The following CACNA2D3 variants were observed in gnomAD, a reference collection of about 807,000 sequenced individuals.
CACNA2D3 encodes the protein calcium voltage-gated channel auxiliary subunit alpha2delta 3.
CACNA2D3 carries 60 observed loss-of-function variants against 160.6 expected under a neutral mutation model. That is an observed-to-expected ratio of 0.37 (90% confidence interval 0.30 to 0.46). The LOEUF (loss-of-function observed/expected upper bound fraction) is 0.46. Among genes scored for constraint, CACNA2D3 ranks in the 20% least tolerant of loss-of-function variants. The probability of loss-of-function intolerance (pLI) is 1.00; values close to 1 mark genes in which losing one functional copy is unlikely to be tolerated. For missense variants in CACNA2D3, 1,205 were observed against 1,365.0 expected (o/e 0.88, Z 1.85); for synonymous variants, 558 against 492.9 (o/e 1.13, Z -1.75).
At chr3:54,627,465 G>A (rs151248240) in intron 9 of CACNA2D3, among the ~76,000 whole-genome samples, 1 of 152,156 alleles carries the variant, frequency 6.6e-6, no homozygotes, top group Non-Finnish European at 1.5e-5. Context: ...GATCAGGAGC[G>A]GGAGAGTAGG....
chr3:54,924,731 C>T (rs747379943), intron 27 of CACNA2D3: 173 of 1,613,982 alleles, frequency 1.1e-4, no homozygotes, highest in African/African-American at 1.6e-4. Flanking sequence ...ATTCCAGGAG[C>T]GCTCGATCAA....
At chr3:54,613,296 G>A (rs957224239) in intron 9 of CACNA2D3, among the ~76,000 whole-genome samples, 1 of 152,194 alleles carries the variant, frequency 6.6e-6, no homozygotes, top group Admixed American at 6.5e-5. Context: ...TCCTGTATTG[G>A]TGTGTCATAA....
intron 3 of CACNA2D3, among the ~76,000 whole-genome samples, chr3:54,336,620 C>T (rs575902444): frequency 8.5e-5 from 13 of 152,106 alleles, no homozygotes; most frequent in East Asian, 1.9e-4. Flanking sequence ...ATGTTATGTA[C>T]GTTGATTCAA....
intron 13 of CACNA2D3, among the ~76,000 whole-genome samples, chr3:54,806,002 A>G (rs1258055130): frequency 4.6e-5 from 7 of 152,114 alleles, no homozygotes; most frequent in Non-Finnish European, 8.8e-5. Context: ...AAATTCAACA[A>G]CCCTTCATGC....
At chr3:54,628,220 C>A (rs372184232) in intron 10 of CACNA2D3, among the ~76,000 whole-genome samples, 1 of 151,222 alleles carries the variant, frequency 6.6e-6, no homozygotes, top group Non-Finnish European at 1.5e-5. Flanking sequence ...AGCGAGACTC[C>A]GTCTCAAAAA....
chr3:55,060,780 A>C (rs1234953938), intron 35 of CACNA2D3, among the ~76,000 whole-genome samples: 1 of 152,184 alleles, frequency 6.6e-6, no homozygotes, highest in Non-Finnish European at 1.5e-5. Context: ...AAGAAAAAAA[A>C]AACTTTGAAA....
chr3:54,369,059 C>G (rs1028585442), intron 3 of CACNA2D3, among the ~76,000 whole-genome samples: 1 of 151,860 alleles, frequency 6.6e-6, no homozygotes, highest in Non-Finnish European at 1.5e-5. Context: ...TGCTTACAAT[C>G]CCCCCAAATA....
chr3:54,245,661 C>T (rs1702058121), intron 2 of CACNA2D3, among the ~76,000 whole-genome samples: 1 of 152,182 alleles, frequency 6.6e-6, no homozygotes, highest in Admixed American at 6.5e-5. Context: ...GCTTGAGAAA[C>T]AGAGCATCTA....
chr3:54,865,673 C>G (rs1021168727), intron 17 of CACNA2D3, among the ~76,000 whole-genome samples: 1 of 152,238 alleles, frequency 6.6e-6, no homozygotes, highest in Admixed American at 6.5e-5. Context: ...AAACAAGATA[C>G]TGTTATGAAC....
chr3:54,810,551 T>G (rs1703279659), intron 13 of CACNA2D3, among the ~76,000 whole-genome samples: 1 of 152,192 alleles, frequency 6.6e-6, no homozygotes, highest in Non-Finnish European at 1.5e-5. Flanking sequence ...CAAGCAGGGA[T>G]TGATCATTCA....
At chr3:54,389,645 A>T (rs141132783) in intron 4 of CACNA2D3, among the ~76,000 whole-genome samples, 2 of 152,338 alleles carry the variant, frequency 1.3e-5, no homozygotes, top group Admixed American at 6.5e-5. Context: ...AGTTATGTAG[A>T]ATTCTTGCCC....
intron 35 of CACNA2D3, among the ~76,000 whole-genome samples, chr3:55,038,431 C>T (rs1703877562): frequency 6.6e-6 from 1 of 152,192 alleles, no homozygotes; most frequent in South Asian, 2.1e-4. Flanking sequence ...AATATATGAA[C>T]ATGCATTCAC....
intron 2 of CACNA2D3, among the ~76,000 whole-genome samples, chr3:54,185,657 C>G (rs1273231252): frequency 6.6e-6 from 1 of 152,136 alleles, no homozygotes; most frequent in Non-Finnish European, 1.5e-5. Flanking sequence ...CTCTCTAGGT[C>G]TCTGTTACAA....
At chr3:54,780,664 T>C (rs909269309) in intron 13 of CACNA2D3, among the ~76,000 whole-genome samples, 3 of 152,204 alleles carry the variant, frequency 2.0e-5, no homozygotes, top group Admixed American at 6.5e-5. Context: ...ACCATCCTTA[T>C]TCAGGCCAAG....
chr3:54,464,579 A>C (rs2106854488), intron 4 of CACNA2D3, among the ~76,000 whole-genome samples: 1 of 152,310 alleles, frequency 6.6e-6, no homozygotes, highest in East Asian at 1.9e-4. Flanking sequence ...CCTCCGAGCC[A>C]AGTGCGGGAT....
At chr3:54,971,203 T>A (rs1702270776) in intron 29 of CACNA2D3, among the ~76,000 whole-genome samples, 1 of 152,122 alleles carries the variant, frequency 6.6e-6, no homozygotes, top group African/African-American at 2.4e-5. Context: ...TAGGAAAGAA[T>A]ACCCTGTGAA....
In CACNA2D3 at chr3:54,398,250, A is replaced by G. The variant is rs1473101425; in HGVS notation, c.381+11476A>G. Among the ~76,000 whole-genome samples the G allele has an allele frequency of 2.4e-5, 3 of 125,486 alleles. 1 individual carries two copies. Among genetic ancestry groups the G allele is most frequent in the African/African-American group, 9.1e-5 (3 of 32,970 alleles). 82.3% of individuals were successfully genotyped at this position (125,486 alleles called of 152,430 possible). On this transcript the variant is annotated intron_variant, in intron 4 of 37. Transcript: ENST00000474759. ...TGGGTTTCCTGAATACAGCACACTG[A>G]TGGGTCTTGACTCTTTATCCAACTT...
At chr3:54,333,667 A>G (rs1704316861) in intron 3 of CACNA2D3, among the ~76,000 whole-genome samples, 3 of 151,604 alleles carry the variant, frequency 2.0e-5, no homozygotes, top group East Asian at 2.0e-4. Flanking sequence ...AGCCGCCTCT[A>G]TTGTGCTGGG....
intron 2 of CACNA2D3, among the ~76,000 whole-genome samples, chr3:54,128,052 A>G (rs1477601307): frequency 2.6e-5 from 4 of 152,176 alleles, no homozygotes; most frequent in Non-Finnish European, 4.4e-5. Flanking sequence ...ACTCAAAATT[A>G]AGGGAAAATG....
Sources: allele counts gnomAD v4.1 joint callset (sites outside exome capture counted in the v4.1 genomes callset), GRCh38; gene constraint gnomAD v4.1.1; transcripts MANE v1.5; gene names NCBI Gene and HGNC (gene_info 2026-07-23, HGNC 2026-07-21).